Variants in NRG3 observed in about 807,000 individuals in gnomAD.
The protein encoded by NRG3 is neuregulin 3, also known as pro-neuregulin-3, membrane-bound isoform.
Under a neutral mutation model 66.9 loss-of-function variants are expected in NRG3, and 31 were observed. The observed-to-expected ratio is 0.46, with a 90% CI of 0.35 to 0.63. The LOEUF (loss-of-function observed/expected upper bound fraction) is 0.63. NRG3 is among the 20% of genes least tolerant of loss of function. NRG3 has a pLI of 0.00. For synonymous variants in NRG3, 393 were observed against 359.4 expected, an observed-to-expected ratio of 1.09 and a Z score of -1.06; for missense variants, 910 against 878.9, an observed-to-expected ratio of 1.04 and a Z score of -0.45.
intron 1 of NRG3, among the ~76,000 whole-genome samples, chr10:82,278,501 C>T (rs1461141128): frequency 6.6e-6 from 1 of 152,062 alleles, no homozygotes; most frequent in East Asian, 1.9e-4. Flanking sequence ...TGAAAATGTT[C>T]TCTGGCAGGA....
chr10:82,575,276 T>C (rs1035865569), intron 2 of NRG3, among the ~76,000 whole-genome samples: 4 of 151,488 alleles, frequency 2.6e-5, no homozygotes, highest in African/African-American at 9.7e-5. Context: ...AATTTAATCA[T>C]AAAAATGGCC....
At chr10:82,763,675 AAG>A (rs774521501) in intron 3 of NRG3, among the ~76,000 whole-genome samples, 1 of 152,104 alleles carries the variant, frequency 6.6e-6, no homozygotes, top group South Asian at 2.1e-4. Flanking sequence ...TCAAAAAAAA[AAG>A]TGACTGACTT....
chr10:82,026,869 G>A (rs1452267085), intron 1 of NRG3, among the ~76,000 whole-genome samples: 1 of 151,900 alleles, frequency 6.6e-6, no homozygotes, highest in African/African-American at 2.4e-5. Flanking sequence ...AAAAAAAGCT[G>A]TTGTTCCCAA....
intron 1 of NRG3, among the ~76,000 whole-genome samples, chr10:81,997,277 G>A (rs2060974516): frequency 6.6e-6 from 1 of 152,180 alleles, no homozygotes; most frequent in Non-Finnish European, 1.5e-5. Context: ...CTCCAGCTAA[G>A]TCAAGCCCCT....
At chr10:81,963,697 T>A (rs2059615838) in intron 1 of NRG3, among the ~76,000 whole-genome samples, 1 of 152,194 alleles carries the variant, frequency 6.6e-6, no homozygotes, top group African/African-American at 2.4e-5. Context: ...ACACGTCCAC[T>A]TTCATGATGC....
chr10:82,518,238 T>C (rs979740294), intron 2 of NRG3, among the ~76,000 whole-genome samples: 1 of 152,220 alleles, frequency 6.6e-6, no homozygotes, highest in Non-Finnish European at 1.5e-5. Context: ...ACTATACAGC[T>C]ATGTACTTTG....
chr10:82,833,202 C>T (rs2062613686), intron 3 of NRG3, among the ~76,000 whole-genome samples: 1 of 152,126 alleles, frequency 6.6e-6, no homozygotes, highest in South Asian at 2.1e-4. Context: ...AATATATGGA[C>T]TGTTGCTAGG....
intron 2 of NRG3, among the ~76,000 whole-genome samples, chr10:82,527,023 G>T (rs999438002): frequency 1.3e-5 from 2 of 151,862 alleles, no homozygotes; most frequent in Non-Finnish European, 2.9e-5. Context: ...CTCACATCAA[G>T]AAAAATACTC....
chr10:82,813,129 TGA>T (rs1056536775), intron 3 of NRG3, among the ~76,000 whole-genome samples: 3 of 151,942 alleles, frequency 2.0e-5, no homozygotes, highest in African/African-American at 7.3e-5. Flanking sequence ...CTGAAATGTA[TGA>T]GTGTTTTGAT....
intron 2 of NRG3, among the ~76,000 whole-genome samples, chr10:82,642,119 T>G (rs1366798348): frequency 6.6e-6 from 1 of 152,198 alleles, no homozygotes; most frequent in Non-Finnish European, 1.5e-5. Flanking sequence ...GTCTCTGAGC[T>G]GTTTCACTTA....
At chr10:82,384,408 T>G (rs2135889963) in intron 2 of NRG3, among the ~76,000 whole-genome samples, 1 of 152,304 alleles carries the variant, frequency 6.6e-6, no homozygotes, top group Admixed American at 6.5e-5. Flanking sequence ...TTAGCTATTC[T>G]TCCTGATCCT....
chr10:82,185,735 CA>C (rs1268149091), intron 1 of NRG3, among the ~76,000 whole-genome samples: 4 of 152,208 alleles, frequency 2.6e-5, no homozygotes, highest in Non-Finnish European at 4.4e-5. Flanking sequence ...CATTACTGAA[CA>C]TTACTGTTGA....
chr10:82,286,187 G>A (rs935900865), intron 1 of NRG3, among the ~76,000 whole-genome samples: 15 of 152,162 alleles, frequency 9.9e-5, no homozygotes, highest in African/African-American at 3.4e-4. Context: ...AAACTCATAA[G>A]CTTTTGGTTT....
intron 1 of NRG3, among the ~76,000 whole-genome samples, chr10:82,263,621 C>T (rs2078148804): frequency 6.6e-6 from 1 of 152,164 alleles, no homozygotes; most frequent in African/African-American, 2.4e-5. Flanking sequence ...ACACACCACA[C>T]ACACACACTC....
chr10:82,427,383 A>G (rs1454919562), intron 2 of NRG3, among the ~76,000 whole-genome samples: 1 of 152,144 alleles, frequency 6.6e-6, no homozygotes, highest in Admixed American at 6.5e-5. Context: ...AGTCTTTCTT[A>G]TGAAAGAATG....
intron 1 of NRG3, among the ~76,000 whole-genome samples, chr10:82,046,230 C>G (rs1369598128): frequency 2.1e-5 from 3 of 139,650 alleles, no homozygotes; most frequent in Non-Finnish European, 4.7e-5. Flanking sequence ...TCTTTGTATC[C>G]TCTTTTATTT....
chr10:82,332,560 A>G (rs2135287525), intron 1 of NRG3, among the ~76,000 whole-genome samples: 1 of 152,254 alleles, frequency 6.6e-6, no homozygotes, highest in South Asian at 2.1e-4. Flanking sequence ...TACTTGTAAT[A>G]ATGGGGGATC....
At chr10:82,493,978 A>G (rs915188059) in intron 2 of NRG3, among the ~76,000 whole-genome samples, 2 of 152,318 alleles carry the variant, frequency 1.3e-5, no homozygotes, top group Admixed American at 1.3e-4. Flanking sequence ...GCCAATAAAC[A>G]TATGACAAAA....
intron 1 of NRG3, among the ~76,000 whole-genome samples, chr10:82,310,061 C>T (rs895249130): frequency 5.3e-5 from 8 of 152,234 alleles, no homozygotes; most frequent in East Asian, 3.9e-4. Context: ...GGAAAATTGC[C>T]GTCATTCCCT....
Sources: allele counts gnomAD v4.1 joint callset (sites outside exome capture counted in the v4.1 genomes callset), GRCh38; gene constraint gnomAD v4.1.1; transcripts MANE v1.5; gene names NCBI Gene and HGNC (gene_info 2026-07-23, HGNC 2026-07-21).